Variants in ADCY10 observed in about 807,000 individuals in gnomAD.
ADCY10 encodes adenylate cyclase 10.
ADCY10 carries 156 observed loss-of-function variants against 183.3 expected under a neutral mutation model. The ratio of observed to expected loss-of-function variants is 0.85; its 90% CI spans 0.75 to 0.97. The LOEUF (loss-of-function observed/expected upper bound fraction) is 0.97, where lower values mean the gene tolerates loss of function less well. Among genes scored for constraint, ADCY10 ranks in the 50% least tolerant of loss-of-function variants. The pLI is 0.00. For synonymous variants in ADCY10, 645 were observed against 670.0 expected (o/e 0.96, Z 0.58); for missense variants, 1,745 against 1,934.3 (o/e 0.90, Z 1.84).
At chr1:167,848,294 C>T in intron 19 of ADCY10, 67 bp downstream of exon 19, 1 of 1,363,962 alleles carries the variant, frequency 7.3e-7, no homozygotes, top group Non-Finnish European at 1.0e-6. Flanking sequence ...TGTGATCCGC[C>T]CGCCTCGGCC....
At chr1:167,895,731 G>C (rs1668928992) in intron 7 of ADCY10, among the ~76,000 whole-genome samples, 1 of 152,180 alleles carries the variant, frequency 6.6e-6, no homozygotes, top group Non-Finnish European at 1.5e-5. Flanking sequence ...GCAACTTGCA[G>C]GACCTTGAGA....
Position 167,829,390 on chromosome 1 carries a change from A to G in ADCY10, c.3627T>C (p.Thr1209=), listed in dbSNP as rs779370562. The part of the protein sequence containing the change: ...KKRLAQLYRQ[T]VCLSLLWRIY... ...TGCGCCACAGCAAGGAAAGGCAGAC[A>G]GTTTGCCGGTAAAGTTGTGCCAGCC... The change falls in exon 26 of 33, where the codon ACT becomes ACC. Residue 1209 remains threonine (T), a synonymous_variant. Transcript: ENST00000367851. 1.9e-6 allele frequency: 3 copies of G among 1,614,068 alleles called. No individual in the cohort carries two copies. The highest frequency in any genetic ancestry group is 2.7e-5 in the African/African-American group (2 of 74,954).
At chr1:167,861,781 G>A (rs918046085) in intron 14 of ADCY10, among the ~76,000 whole-genome samples, 1 of 152,052 alleles carries the variant, frequency 6.6e-6, no homozygotes, top group Non-Finnish European at 1.5e-5. Context: ...ATCTCATCCC[G>A]TATTGCAACC....
chr1:167,892,275 A>G (rs1317497726), intron 8 of ADCY10, among the ~76,000 whole-genome samples: 1 of 152,174 alleles, frequency 6.6e-6, no homozygotes, highest in Non-Finnish European at 1.5e-5. Flanking sequence ...TGATTTTTCA[A>G]ATAAAATCAT....
In ADCY10 at chr1:167,836,317, T is replaced by C. The variant is rs1245936816; in HGVS notation, c.3301A>G (p.Asn1101Asp). 4.3e-6 allele frequency: 7 copies of C among 1,610,206 alleles called. No homozygotes were observed. In the African/African-American group the frequency reaches 5.3e-5, roughly 12 times the overall value. ...IASAYLIFCD[N>D]YMAYMYLNEG... ...GGGTAGAAACAGCTTACCATGTAGT[T>C]ATCACAAAAGATGAGATAAGCAGAT... Residue 1101 changes from asparagine (N) to aspartate (D), a missense_variant, in exon 23 of 33, where the codon AAC (asparagine) becomes GAC (aspartate). Transcript: ENST00000367851.
chr1:167,866,261 G>A (rs1666675806), intron 14 of ADCY10, among the ~76,000 whole-genome samples: 2 of 152,152 alleles, frequency 1.3e-5, no homozygotes, highest in Non-Finnish European at 2.9e-5. Context: ...TAAAGCGAGA[G>A]AAGCCCCCTT....
Position 167,818,166 on chromosome 1 carries a change from A to G in ADCY10, c.4388T>C (p.Ile1463Thr), listed in dbSNP as rs538537471. Residue 1463 changes from isoleucine to threonine, a missense_variant, in exon 31 of 33, where the codon ATA becomes ACA. Physicochemically the swap from Ile to Thr is moderately conservative, Grantham distance 89. Transcript: ENST00000367851. ...RTMTLTYYDG[I>T]SRYMEGQVLH... ...AACTTGCCCCTCCATGTACCTAGAT[A>G]TTCCGTCATAGTAAGTAAGTGTCAT... 1.9e-6 allele frequency: 3 copies of G among 1,614,212 alleles called. No individual in the cohort carries two copies. The Admixed American group carries it at 5.0e-5, about 27-fold the overall frequency.
intron 26 of ADCY10, among the ~76,000 whole-genome samples, chr1:167,828,699 C>T (rs564938857): frequency 7.2e-4 from 109 of 152,162 alleles, no homozygotes; most frequent in Non-Finnish European, 1.4e-3. Context: ...CAGTGCCTCA[C>T]GCCTGTAATC....
chr1:167,896,722 T>G (rs1472081858), intron 6 of ADCY10, 31 bp from the exon 7 acceptor site: 11 of 1,429,040 alleles, frequency 7.7e-6, no homozygotes, highest in Non-Finnish European at 1.1e-5. Flanking sequence ...AGTTTTCAGT[T>G]ATTCTGAGAA....
intron 6 of ADCY10, among the ~76,000 whole-genome samples, chr1:167,897,294 T>G (rs1213681697): frequency 6.8e-6 from 1 of 147,904 alleles, no homozygotes; most frequent in East Asian, 2.0e-4. Flanking sequence ...GAGACCAGCC[T>G]GGGTAACAAT....
Position 167,899,643 on chromosome 1 carries a change from A to G in ADCY10, c.437-15T>C. 6.2e-7 allele frequency: 1 copy of G among 1,613,096 alleles called. No homozygotes were observed. Among genetic ancestry groups the G allele is most frequent in the Non-Finnish European group, 8.5e-7 (1 of 1,179,670 alleles). ...AGCAGCCAGTCCTGGCAAGAAGGCA[A>G]GGAATAGGTTTGCACAAGAAGTTCT... On this transcript the variant is annotated splice_polypyrimidine_tract_variant and intron_variant, in intron 5 of 32. Coordinates refer to ENST00000367851, the MANE Select transcript of ADCY10 (RefSeq NM_018417.6).
chr1:167,904,946 G>A (rs373224446), intron 2 of ADCY10, 47 bp downstream of exon 2: 170 of 1,613,846 alleles, frequency 1.1e-4, no homozygotes, highest in African/African-American at 4.8e-4. Flanking sequence ...ATTCCCACGC[G>A]AGCCTGTTGC....
intron 18 of ADCY10, among the ~76,000 whole-genome samples, chr1:167,852,501 T>C (rs1247366914): frequency 6.6e-6 from 1 of 152,100 alleles, no homozygotes; most frequent in Non-Finnish European, 1.5e-5. Flanking sequence ...GTAAACAAAG[T>C]AAACAAATGT....
rs1558147953 is a variant in ADCY10, at chr1:167,822,129, C to CT, written c.4180dup (p.Arg1394LysfsTer4). 6.3e-7 allele frequency: 1 copy of CT among 1,586,694 alleles called. No homozygotes were observed. Among genetic ancestry groups the CT allele is most frequent in the Non-Finnish European group, 8.7e-7 (1 of 1,154,976 alleles). On this transcript the variant is annotated frameshift_variant, in exon 30 of 33. Coordinates refer to ENST00000367851, the MANE Select transcript of ADCY10 (RefSeq NM_018417.6). LOFTEE classifies it high-confidence loss of function. ...GAATTCCAAACATTCTTCAAATGTT[C>CT]TATAAACAAAACCTAAGAGAGAGAG...
intron 8 of ADCY10, among the ~76,000 whole-genome samples, chr1:167,891,655 C>CA (rs774084079): frequency 0.28 from 30,035 of 107,334 alleles, 3,589 homozygotes; most frequent in Middle Eastern, 0.35. Context: ...GACTCTGTCT[C>CA]AAAAAAAAAA....
intron 24 of ADCY10, 29 bp from the exon 25 acceptor site, chr1:167,833,191 A>G (rs747703228): frequency 1.1e-5 from 17 of 1,605,554 alleles, no homozygotes; most frequent in South Asian, 5.5e-5. Flanking sequence ...GAAGAGAGGA[A>G]AAGAGGAAAA....
At chr1:167,903,612 A>C (rs1669592143) in intron 3 of ADCY10, among the ~76,000 whole-genome samples, 1 of 152,184 alleles carries the variant, frequency 6.6e-6, no homozygotes, top group African/African-American at 2.4e-5. Context: ...TATAACTAAA[A>C]GTATTACTAC....
In ADCY10 at chr1:167,912,281, C is replaced by T. The variant is rs576755717; in HGVS notation, c.-59+1695G>A. On this transcript the variant is annotated intron_variant, in intron 1 of 32. Transcript: ENST00000367851. ...ATCTCCAGAAAATTTCTTGTAAAGCCTTGGCTCTTAGAGCCAGGCCGGCAA... is the reference window on the plus strand; with the variant it reads ...ATCTCCAGAAAATTTCTTGTAAAGCTTTGGCTCTTAGAGCCAGGCCGGCAA... Among the ~76,000 whole-genome samples the T allele has an allele frequency of 1.2e-4, 18 of 152,304 alleles. No individual in the cohort carries two copies. In the South Asian group the frequency reaches 3.5e-3, roughly 30 times the overall value.
chr1:167,906,499 T>C (rs565435435), intron 1 of ADCY10, among the ~76,000 whole-genome samples: 17 of 151,682 alleles, frequency 1.1e-4, no homozygotes, highest in African/African-American at 4.1e-4. Context: ...TTAAGAAGGG[T>C]GTGAGATGCT....
Sources: allele counts gnomAD v4.1 joint callset (sites outside exome capture counted in the v4.1 genomes callset), GRCh38; gene constraint gnomAD v4.1.1; transcripts MANE v1.5; gene names NCBI Gene and HGNC (gene_info 2026-07-23, HGNC 2026-07-21).